Variants in CORO1C observed in about 807,000 individuals in gnomAD.
The protein encoded by CORO1C is coronin 1C.
In CORO1C, 14 loss-of-function variants were observed where a neutral mutation model predicts 51.2. The ratio of observed to expected loss-of-function variants is 0.27; its 90% CI spans 0.18 to 0.43. The LOEUF is 0.43. Ranked by LOEUF, CORO1C falls within the 20% of genes least tolerant of loss-of-function variation. The pLI is 1.00. For missense variants in CORO1C, 417 were observed against 607.8 expected (o/e 0.69, Z 3.30); for synonymous variants, 181 against 210.5 (o/e 0.86, Z 1.21).
chr12:108,677,982 G>A (rs1224720844), intron 3 of CORO1C, among the ~76,000 whole-genome samples: 1 of 150,976 alleles, frequency 6.6e-6, no homozygotes, highest in Non-Finnish European at 1.5e-5. Flanking sequence ...TCATGCCACT[G>A]CACTCCAGCC....
At chr12:108,678,436 C>A in intron 2 of CORO1C, 42 bp from the exon 3 acceptor site, 2 of 1,459,904 alleles carry the variant, frequency 1.4e-6, no homozygotes, top group Non-Finnish European at 1.8e-6. Flanking sequence ...AATATCAACA[C>A]CACAGACGTT....
chr12:108,702,065 A>T (rs1565930295), intron 1 of CORO1C: 3 of 152,778 alleles, frequency 2.0e-5, no homozygotes, highest in Non-Finnish European at 4.4e-5. Flanking sequence ...AAAGCAGAGC[A>T]AAAGTATTTA....
At chr12:108,659,431 A>G (rs767344730) in intron 4 of CORO1C, among the ~76,000 whole-genome samples, 1 of 152,212 alleles carries the variant, frequency 6.6e-6, no homozygotes, top group Non-Finnish European at 1.5e-5. Flanking sequence ...TATAGAGAAC[A>G]TATATAAACA....
chr12:108,716,276 C>CT (rs1363109171), intron 1 of CORO1C, among the ~76,000 whole-genome samples: 1 of 151,610 alleles, frequency 6.6e-6, no homozygotes, highest in African/African-American at 2.4e-5. Context: ...TTTTTCACTA[C>CT]TTAGTCATAT....
At chr12:108,717,669 T>TGGG (rs1470934120) in intron 1 of CORO1C, among the ~76,000 whole-genome samples, 1 of 152,192 alleles carries the variant, frequency 6.6e-6, no homozygotes, top group Non-Finnish European at 1.5e-5. Context: ...ACCAGATGGT[T>TGGG]GGGGGTGCCT....
chr12:108,728,842 GAA>G (rs2035650667), intron 1 of CORO1C, among the ~76,000 whole-genome samples: 1 of 152,156 alleles, frequency 6.6e-6, no homozygotes, highest in Admixed American at 6.5e-5. Flanking sequence ...ACAAGTGTCA[GAA>G]AAGAGTTTTC....
At chr12:108,720,651 G>A (rs529082221) in intron 1 of CORO1C, among the ~76,000 whole-genome samples, 98 of 152,008 alleles carry the variant, frequency 6.4e-4, no homozygotes, top group African/African-American at 2.2e-3. Flanking sequence ...AGCCTCCTGA[G>A]TAGCTGGGAC....
intron 10 of CORO1C, 56 bp downstream of exon 10, chr12:108,648,549 T>C: frequency 6.2e-7 from 1 of 1,607,840 alleles, no homozygotes; most frequent in Non-Finnish European, 8.5e-7. Context: ...CACAAGGGCT[T>C]TCTAGAGGAT....
chr12:108,695,529 G>T (rs1420561859), intron 2 of CORO1C, among the ~76,000 whole-genome samples: 1 of 152,176 alleles, frequency 6.6e-6, no homozygotes, highest in African/African-American at 2.4e-5. Context: ...AACGCAGGCT[G>T]TGGTACCAGT....
chr12:108,707,895 T>C (rs1230024237), intron 1 of CORO1C, among the ~76,000 whole-genome samples: 1 of 152,158 alleles, frequency 6.6e-6, no homozygotes, highest in African/African-American at 2.4e-5. Flanking sequence ...ACATCATTAA[T>C]CAATGGAGAA....
At chr12:108,699,374 A>C (rs1022821926) in intron 2 of CORO1C, among the ~76,000 whole-genome samples, 1 of 152,216 alleles carries the variant, frequency 6.6e-6, no homozygotes, top group African/African-American at 2.4e-5. Flanking sequence ...CTGAATTCAG[A>C]GGAAGATTAG....
chr12:108,654,441 GT>G (rs1208065302), intron 6 of CORO1C, 31 bp from the exon 7 acceptor site: 2 of 1,198,336 alleles, frequency 1.7e-6, no homozygotes, highest in South Asian at 2.6e-5. Flanking sequence ...ATACATATAT[GT>G]GTATGTATAC....
Position 108,721,484 on chromosome 12 carries a change from G to T in CORO1C, c.-6+9945C>A, listed in dbSNP as rs973318258. Among the ~76,000 whole-genome samples, 7 of 152,314 alleles carry T rather than the reference G, an allele frequency of 4.6e-5. No individual in the cohort carries two copies. The South Asian group carries it at 1.5e-3, about 32-fold the overall frequency. On this transcript the variant is annotated intron_variant, in intron 1 of 10. Coordinates refer to ENST00000261401, the MANE Select transcript of CORO1C (RefSeq NM_014325.4). ...TCAAAGAGTCATGTGCTTGAGGGCT[G>T]GAGGAGGCTTGTAATGTATTTTTTA... is the stretch of plus-strand genomic sequence containing the variant.
intron 1 of CORO1C, among the ~76,000 whole-genome samples, chr12:108,721,204 C>A (rs1163892901): frequency 2.0e-5 from 3 of 152,168 alleles, no homozygotes; most frequent in Non-Finnish European, 4.4e-5. Flanking sequence ...ACTCCATAAC[C>A]AAACTATATT....
In CORO1C at chr12:108,657,806, G is replaced by A. The variant is rs117025865; in HGVS notation, c.631-383C>T. Among the ~76,000 whole-genome samples, 44 of 152,288 alleles carry A rather than the reference G, an allele frequency of 2.9e-4. No individual in the cohort carries two copies. The East Asian group carries it at 8.3e-3, about 29-fold the overall frequency. Reference sequence around the variant, plus strand: ...CCTACCATTTCTACCAATATCATAGGGCAGAAAGAAGCCTTGTCTAGTTAA... The same window carrying A: ...CCTACCATTTCTACCAATATCATAGAGCAGAAAGAAGCCTTGTCTAGTTAA... On this transcript the variant is annotated intron_variant, in intron 5 of 10. Coordinates refer to ENST00000261401, the MANE Select transcript of CORO1C (RefSeq NM_014325.4).
intron 6 of CORO1C, among the ~76,000 whole-genome samples, chr12:108,656,028 C>T (rs1316631398): frequency 2.0e-5 from 3 of 150,384 alleles, no homozygotes; most frequent in South Asian, 2.1e-4. Flanking sequence ...TCTGCCCGGC[C>T]GGGACCCCGT....
intron 3 of CORO1C, among the ~76,000 whole-genome samples, chr12:108,665,485 T>C (rs765483964): frequency 1.3e-5 from 2 of 152,070 alleles, no homozygotes; most frequent in Non-Finnish European, 2.9e-5. Context: ...TCTTGAGAAG[T>C]TGATGGTCTA....
intron 3 of CORO1C, among the ~76,000 whole-genome samples, chr12:108,672,353 A>G (rs2033751721): frequency 6.6e-6 from 1 of 152,220 alleles, no homozygotes. Context: ...TAATAGACAC[A>G]GCATGGGTTT....
chr12:108,659,724 C>T (rs910584634), intron 4 of CORO1C, among the ~76,000 whole-genome samples: 1 of 152,126 alleles, frequency 6.6e-6, no homozygotes, highest in African/African-American at 2.4e-5. Flanking sequence ...GACTCTAAGA[C>T]ACAGCTTTGG....
Sources: allele counts gnomAD v4.1 joint callset (sites outside exome capture counted in the v4.1 genomes callset), GRCh38; gene constraint gnomAD v4.1.1; transcripts MANE v1.5; gene names NCBI Gene and HGNC (gene_info 2026-07-23, HGNC 2026-07-21).